Variants in PITPNC1 observed in about 807,000 individuals in gnomAD.
The protein encoded by PITPNC1 is cytoplasmic phosphatidylinositol transfer protein 1.
A neutral mutation model predicts 44.7 loss-of-function variants in PITPNC1; 18 were observed. The observed-to-expected ratio is 0.40, with a 90% confidence interval of 0.28 to 0.60. PITPNC1 has a LOEUF of 0.60. Among genes scored for constraint, PITPNC1 ranks in the 20% least tolerant of loss-of-function variants. PITPNC1 has a pLI of 0.39. For missense variants in PITPNC1, 290 were observed against 418.4 expected, an observed-to-expected ratio of 0.69 and a Z score of 2.68; for synonymous variants, 141 against 149.6, an observed-to-expected ratio of 0.94 and a Z score of 0.42.
At chr17:67,555,821 G>T (rs1444004905) in intron 4 of PITPNC1, among the ~76,000 whole-genome samples, 2 of 152,116 alleles carry the variant, frequency 1.3e-5, no homozygotes, top group African/African-American at 4.8e-5. Context: ...TCCAGCCTGG[G>T]CAACAGAGTG....
At chr17:67,446,984 G>A (rs1228557964) in intron 1 of PITPNC1, among the ~76,000 whole-genome samples, 2 of 150,850 alleles carry the variant, frequency 1.3e-5, no homozygotes, top group Non-Finnish European at 3.0e-5. Context: ...CAGCTACTGG[G>A]GAGGCTGAGG....
chr17:67,403,218 C>CAAAAAA lies in PITPNC1; in HGVS notation c.48+25034_48+25039dup, dbSNP rs34768084. On this transcript the variant is annotated intron_variant, in intron 1 of 8. Transcript: ENST00000581322. ...GGCAACACAGTGGACCTCATCTCTA[C>CAAAAAA]AAAAAAAAAAAAAAAAAAAAAAAGT... is the stretch of plus-strand genomic sequence containing the variant. Among the ~76,000 whole-genome samples, 460 of 68,934 alleles carry CAAAAAA rather than the reference C, an allele frequency of 6.7e-3. 64 individuals carry two copies. The highest frequency in any genetic ancestry group is 0.015 in the Middle Eastern group (1 of 68). The allele number at this position is 68,934 out of a possible 152,430, so 45.2% of individuals were successfully genotyped here. A position where few individuals can be genotyped will look rare whatever the true frequency, so the allele number is the denominator to read the frequency against.
rs1287888526 is a variant in PITPNC1 at position 67,532,720 on chromosome 17, T to A, written c.49-82T>A. ...CAGCAGAAGGTGCTGATGTTATTAG[T>A]GGCTTGCCAAGCTATGGTTGGAGGG... On this transcript the variant is annotated intron_variant, in intron 1 of 8. Transcript: ENST00000581322. 5.3e-6 allele frequency: 6 copies of A among 1,135,304 alleles called. No homozygotes were observed. The Admixed American group carries it at 6.7e-5, about 13-fold the overall frequency. 70.3% of individuals were successfully genotyped at this position (1,135,304 alleles called of 1,614,324 possible).
intron 1 of PITPNC1, among the ~76,000 whole-genome samples, chr17:67,490,371 T>A (rs577940761): frequency 1.1e-4 from 16 of 152,176 alleles, no homozygotes; most frequent in South Asian, 4.2e-4. Context: ...TGTTTTTTTT[T>A]AAATCTTGGC....
At chr17:67,601,924 A>G (rs2041545814) in intron 5 of PITPNC1, among the ~76,000 whole-genome samples, 1 of 152,158 alleles carries the variant, frequency 6.6e-6, no homozygotes, top group South Asian at 2.1e-4. Flanking sequence ...GTTTCCAGTA[A>G]TATGGGAAGA....
chr17:67,599,034 A>ATATATATATATATATATATATT (rs1461493250), intron 5 of PITPNC1, among the ~76,000 whole-genome samples: 2 of 35,672 alleles, frequency 5.6e-5, no homozygotes, highest in Non-Finnish European at 9.9e-5. Context: ...ATATATATAT[A>ATATATATATATATATATATATT]TTTTTTTTTT....
chr17:67,445,799 T>G (rs972180333), intron 1 of PITPNC1, among the ~76,000 whole-genome samples: 23 of 152,188 alleles, frequency 1.5e-4, no homozygotes, highest in African/African-American at 5.1e-4. Context: ...TTAGCGGCAA[T>G]CTCATTCAGG....
intron 5 of PITPNC1, among the ~76,000 whole-genome samples, chr17:67,622,607 A>G (rs2041848094): frequency 6.6e-6 from 1 of 151,190 alleles, no homozygotes; most frequent in South Asian, 2.1e-4. Context: ...TAAACCATGA[A>G]CTGGCCAGGT....
intron 4 of PITPNC1, among the ~76,000 whole-genome samples, chr17:67,573,192 G>A (rs892312089): frequency 1.3e-5 from 2 of 152,194 alleles, no homozygotes; most frequent in Admixed American, 6.5e-5. Flanking sequence ...CTTTGTTGGG[G>A]ATGGCCAGTG....
intron 1 of PITPNC1, among the ~76,000 whole-genome samples, chr17:67,455,012 G>C (rs1414861957): frequency 6.6e-6 from 1 of 151,516 alleles, no homozygotes; most frequent in African/African-American, 2.4e-5. Flanking sequence ...GTAGAGATGG[G>C]GTCTTGCTAT....
chr17:67,626,623 C>A (rs566280984), intron 5 of PITPNC1, among the ~76,000 whole-genome samples: 6 of 152,236 alleles, frequency 3.9e-5, no homozygotes, highest in African/African-American at 1.2e-4. Context: ...GCCCACCTGG[C>A]CTCTCAAAGT....
intron 6 of PITPNC1, chr17:67,632,454 G>T: frequency 3.6e-6 from 2 of 549,362 alleles, no homozygotes; most frequent in Non-Finnish European, 3.2e-6. Flanking sequence ...TCTCCACTTA[G>T]TTTTCCTGTC....
chr17:67,447,240 G>A (rs917551444), intron 1 of PITPNC1, among the ~76,000 whole-genome samples: 10 of 151,864 alleles, frequency 6.6e-5, no homozygotes, highest in African/African-American at 2.4e-4. Context: ...CTCGTTCCTT[G>A]GAATGCAGGC....
intron 1 of PITPNC1, among the ~76,000 whole-genome samples, chr17:67,484,216 C>A (rs909333571): frequency 6.6e-6 from 1 of 151,312 alleles, no homozygotes; most frequent in Non-Finnish European, 1.5e-5. Context: ...CCACACCCAG[C>A]CTGTTAATAA....
At position 67,681,409 on chromosome 17, in the gene PITPNC1, T is replaced by C. The variant is rs2042702494; in HGVS notation, c.682+5867T>C. 1.3e-5 allele frequency among the ~76,000 whole-genome samples: 2 copies of C among 151,858 alleles called. 1 individual carries two copies. Among genetic ancestry groups the C allele is most frequent in the South Asian group, 4.2e-4 (2 of 4,804 alleles). On this transcript the variant is annotated intron_variant, in intron 8 of 8. Coordinates refer to ENST00000581322, the MANE Select transcript of PITPNC1 (RefSeq NM_012417.4). ...AGGAGAATCACTCGAGCTGAGGAGT[T>C]TGAGACCAGCCCTGGCAACACAGGG...
intron 4 of PITPNC1, among the ~76,000 whole-genome samples, chr17:67,554,855 C>T (rs918050322): frequency 2.0e-5 from 3 of 152,206 alleles, no homozygotes; most frequent in African/African-American, 7.2e-5. Flanking sequence ...TCCCAACTGC[C>T]AGTTCTTGAA....
chr17:67,423,891 C>T (rs1598642786), intron 1 of PITPNC1, among the ~76,000 whole-genome samples: 1 of 152,016 alleles, frequency 6.6e-6, no homozygotes, highest in Non-Finnish European at 1.5e-5. Flanking sequence ...GCTGAAACTT[C>T]GGGATCAGTT....
intron 1 of PITPNC1, among the ~76,000 whole-genome samples, chr17:67,412,260 G>T (rs1003794071): frequency 1.3e-5 from 2 of 152,152 alleles, no homozygotes; most frequent in Admixed American, 1.3e-4. Flanking sequence ...CCGGGGCAGG[G>T]TTTAATGTGT....
intron 4 of PITPNC1, among the ~76,000 whole-genome samples, chr17:67,573,366 C>T (rs996714415): frequency 1.3e-5 from 2 of 151,928 alleles, no homozygotes; most frequent in Admixed American, 1.3e-4. Flanking sequence ...TGAGGGATCT[C>T]CTGTAGGGAA....
Sources: gnomAD v4.1 joint callset for allele counts (sites outside exome capture counted in the v4.1 genomes callset) on GRCh38, gnomAD v4.1.1 for gene constraint, MANE v1.5 for transcripts, NCBI Gene and HGNC (gene_info 2026-07-23, HGNC 2026-07-21) for gene names.